OSBPL3: variants seen among roughly 807,000 people sequenced by gnomAD.
OSBPL3 encodes oxysterol-binding protein-related protein 3.
In OSBPL3, 65 loss-of-function variants were observed where a neutral mutation model predicts 120.1. The observed-to-expected ratio is 0.54, with a 90% confidence interval of 0.44 to 0.67. The LOEUF (loss-of-function observed/expected upper bound fraction) is 0.67, where lower values mean the gene tolerates loss of function less well. OSBPL3 is among the 30% of genes least tolerant of loss of function. OSBPL3 has a pLI of 0.00. For synonymous variants in OSBPL3, 416 were observed against 402.6 expected (o/e 1.03, Z -0.40); for missense variants, 1,004 against 1,082.1 (o/e 0.93, Z 1.01).
rs117306302 is a variant in OSBPL3, at chr7:24,910,885, C to A, written c.-149-18264G>T. 3.6e-3 allele frequency among the ~76,000 whole-genome samples: 543 copies of A among 152,294 alleles called. 7 individuals are homozygous for A. Among genetic ancestry groups the A allele is most frequent in the South Asian group, 0.012 (59 of 4,824 alleles). On this transcript the variant is annotated intron_variant, in intron 1 of 22. Coordinates refer to ENST00000313367, the MANE Select transcript of OSBPL3 (RefSeq NM_015550.4). ...GCACCTCCTGCAACATTTCTCAACC[C>A]CGGCTGCGTGACAGGATCACCCTGG...
chr7:24,926,448 A>G (rs186195427), intron 1 of OSBPL3, among the ~76,000 whole-genome samples: 11 of 152,302 alleles, frequency 7.2e-5, no homozygotes. Context: ...GATGATTGAA[A>G]TGCATACGAT....
chr7:24,907,757 C>T (rs573320965), intron 1 of OSBPL3, among the ~76,000 whole-genome samples: 1 of 152,316 alleles, frequency 6.6e-6, no homozygotes, highest in East Asian at 1.9e-4. Flanking sequence ...ACTCTGCTTT[C>T]CTTTTGCGCT....
chr7:24,950,223 C>T (rs2522245), intron 1 of OSBPL3, among the ~76,000 whole-genome samples: 28,616 of 152,168 alleles, frequency 0.19, 3,872 homozygotes, highest in East Asian at 0.59. Context: ...TATCCATCCA[C>T]GTTGACATGT....
chr7:24,955,244 G>A lies in OSBPL3; in HGVS notation c.-150+24642C>T, dbSNP rs1414021881. On this transcript the variant is annotated intron_variant, in intron 1 of 22. Coordinates refer to ENST00000313367, the MANE Select transcript of OSBPL3 (RefSeq NM_015550.4). The surrounding 1 kb of genome is among the most constrained non-coding windows in gnomAD (Gnocchi z 4.3). ...TGAATTTGCTGAAAGCCAGTAGCAG[G>A]TTAATTTACCAGTTAATTCCCCACC... 2.0e-5 allele frequency among the ~76,000 whole-genome samples: 3 copies of A among 152,210 alleles called. No individual in the cohort carries two copies. Among genetic ancestry groups the A allele is most frequent in the Non-Finnish European group, 4.4e-5 (3 of 68,042 alleles).
intron 6 of OSBPL3, 89 bp downstream of exon 6, chr7:24,865,981 T>C: frequency 2.8e-6 from 3 of 1,079,490 alleles, no homozygotes; most frequent in Non-Finnish European, 4.2e-6. Context: ...CCGAAAACTT[T>C]TCCTTCTTCG....
intron 1 of OSBPL3, among the ~76,000 whole-genome samples, chr7:24,954,029 T>G (rs1304377596): frequency 6.6e-6 from 1 of 152,228 alleles, no homozygotes; most frequent in Non-Finnish European, 1.5e-5. Flanking sequence ...ACAGGCCCTG[T>G]GAAGCTCTTC....
chr7:24,839,541 GT>G (rs1244596517), intron 14 of OSBPL3, among the ~76,000 whole-genome samples: 1 of 152,136 alleles, frequency 6.6e-6, no homozygotes, highest in Non-Finnish European at 1.5e-5. Flanking sequence ...ACTTTCAAAT[GT>G]GTTGTTTTGA....
intron 1 of OSBPL3, among the ~76,000 whole-genome samples, chr7:24,909,783 CTTTTTTTTTT>C (rs10591188): frequency 2.5e-4 from 19 of 77,276 alleles, no homozygotes; most frequent in South Asian, 5.4e-4. Flanking sequence ...TTTTTTCTTT[CTTTTTTTTTT>C]TTTTTTTTTT....
In OSBPL3 at chr7:24,849,162, G is replaced by A. The variant is rs527618913; in HGVS notation, c.1173C>T (p.Asn391=). ...KNALSSALAQ[N]TDLKERLRRI... ...TGCGTAAGCGTTCTTTAAGATCTGT[G>A]TTTTGTGCTAGGGCCTGGAACATGT... is the stretch of plus-strand genomic sequence containing the variant. Residue 391 remains asparagine (N), a synonymous_variant, in exon 12 of 23, where the codon AAC becomes AAT. Transcript: ENST00000313367. The surrounding 1 kb of genome is among the most constrained non-coding windows in gnomAD (Gnocchi z 5.4). The A allele has an allele frequency of 1.9e-5, 31 of 1,613,534 alleles. 1 individual carries two copies. In the South Asian group the frequency reaches 3.2e-4, roughly 17 times the overall value.
rs1176447227 is a variant in OSBPL3, at chr7:24,952,439, CA to C, written c.-150+27446del. Among the ~76,000 whole-genome samples the C allele has an allele frequency of 6.6e-6, 1 of 152,170 alleles. No homozygotes were observed. The highest frequency in any genetic ancestry group is 1.5e-5 in the Non-Finnish European group (1 of 68,028). On this transcript the variant is annotated intron_variant, in intron 1 of 22. Coordinates refer to ENST00000313367, the MANE Select transcript of OSBPL3 (RefSeq NM_015550.4). The surrounding 1 kb of genome is among the most constrained non-coding windows in gnomAD (Gnocchi z 4.4). ...AATGCCCTGTAGCAAACCGAAACCTCAGAAACCTCAGAAGGTATGGTCTAAT... is the reference window on the plus strand; with the variant it reads ...AATGCCCTGTAGCAAACCGAAACCTCGAAACCTCAGAAGGTATGGTCTAAT...
chr7:24,945,461 A>C (rs900075643), intron 1 of OSBPL3, among the ~76,000 whole-genome samples: 3 of 152,370 alleles, frequency 2.0e-5, no homozygotes, highest in Middle Eastern at 3.4e-3. Context: ...TTAAAGCTTA[A>C]CATCTCATCT....
chr7:24,947,733 T>C lies in OSBPL3; in HGVS notation c.-150+32153A>G, dbSNP rs1212438179. 4.8e-4 allele frequency among the ~76,000 whole-genome samples: 72 copies of C among 151,448 alleles called. 1 individual carries two copies. Among genetic ancestry groups the C allele is most frequent in the Admixed American group, 4.7e-3 (72 of 15,178 alleles). Reference sequence around the variant, plus strand: ...AACTAAACTATAATCTGAACACAAGTAATATATGCATGTGTATATATGTAT... The same window carrying C: ...AACTAAACTATAATCTGAACACAAGCAATATATGCATGTGTATATATGTAT... On this transcript the variant is annotated intron_variant, in intron 1 of 22. Coordinates refer to ENST00000313367, the MANE Select transcript of OSBPL3 (RefSeq NM_015550.4). The surrounding 1 kb of genome is among the most constrained non-coding windows in gnomAD (Gnocchi z 4.4).
At chr7:24,948,387 C>T (rs1200831021) in intron 1 of OSBPL3, among the ~76,000 whole-genome samples, 1 of 94,132 alleles carries the variant, frequency 1.1e-5, no homozygotes, top group Non-Finnish European at 2.3e-5. Flanking sequence ...AGATTTACCT[C>T]ATTTTTTTTT....
chr7:24,897,942 T>C (rs550335307), intron 1 of OSBPL3, among the ~76,000 whole-genome samples: 1 of 152,304 alleles, frequency 6.6e-6, no homozygotes. Flanking sequence ...GGAAACGACT[T>C]TCATGAAGGC....
At chr7:24,978,195 C>G (rs971486001) in intron 1 of OSBPL3, among the ~76,000 whole-genome samples, 2 of 152,108 alleles carry the variant, frequency 1.3e-5, no homozygotes, top group African/African-American at 4.8e-5. Context: ...AAGTTTAATG[C>G]GGTAATGTAC....
At chr7:24,853,766 T>G (rs1554366673) in intron 10 of OSBPL3, among the ~76,000 whole-genome samples, 1 of 152,208 alleles carries the variant, frequency 6.6e-6, no homozygotes, top group Non-Finnish European at 1.5e-5. Flanking sequence ...CGTGTGTGTG[T>G]AGAGAGTGAT....
intron 22 of OSBPL3, among the ~76,000 whole-genome samples, chr7:24,800,937 C>CT (rs56365128): frequency 0.035 from 4,805 of 138,782 alleles, 131 homozygotes; most frequent in African/African-American, 0.08. Flanking sequence ...AAGTGGTTAA[C>CT]TTTTTTTTTT....
chr7:24,971,437 A>G (rs1584766366), intron 1 of OSBPL3, among the ~76,000 whole-genome samples: 1 of 152,218 alleles, frequency 6.6e-6, no homozygotes, highest in Non-Finnish European at 1.5e-5. Context: ...GGAAAGCTAC[A>G]CCACAACAAA....
In OSBPL3 at chr7:24,833,495, G is replaced by A. The variant is rs950645645; in HGVS notation, c.1746+991C>T. 6.6e-6 allele frequency among the ~76,000 whole-genome samples: 1 copy of A among 152,198 alleles called. No homozygotes were observed. Among genetic ancestry groups the A allele is most frequent in the Admixed American group, 6.5e-5 (1 of 15,288 alleles). Reference sequence around the variant, plus strand: ...CATTGAAGTAATGATGTTTTAATGAGCGCTAGAACTGCAGAATGCTTAGAA... The same window carrying A: ...CATTGAAGTAATGATGTTTTAATGAACGCTAGAACTGCAGAATGCTTAGAA... On this transcript the variant is annotated intron_variant, in intron 15 of 22. Transcript: ENST00000313367. The surrounding 1 kb of genome is among the most constrained non-coding windows in gnomAD (Gnocchi z 4.4).
Sources: gnomAD v4.1 joint callset for allele counts (sites outside exome capture counted in the v4.1 genomes callset) on GRCh38, gnomAD v4.1.1 for gene constraint, Gnocchi (gnomAD v3.1) non-coding constraint, MANE v1.5 for transcripts, NCBI Gene and HGNC (gene_info 2026-07-23, HGNC 2026-07-21) for gene names.